Variants in WNT2 observed in about 807,000 individuals in gnomAD.
The protein encoded by WNT2 is protein Wnt-2.
A neutral mutation model predicts 36.9 loss-of-function variants in WNT2; 12 were observed. That is an observed-to-expected ratio of 0.33 (90% CI 0.21 to 0.53). WNT2 has a LOEUF of 0.53. Among genes scored for constraint, WNT2 ranks in the 20% least tolerant of loss-of-function variants. WNT2 has a pLI of 0.95. For synonymous variants in WNT2, 163 were observed against 174.6 expected, an observed-to-expected ratio of 0.93 and a Z score of 0.52; for missense variants, 379 against 473.1, an observed-to-expected ratio of 0.80 and a Z score of 1.84.
chr7:117,320,987 G>C (rs1436454726), intron 1 of WNT2, among the ~76,000 whole-genome samples, 194 bp from the exon 2 acceptor site: 1 of 152,236 alleles, frequency 6.6e-6, no homozygotes, highest in Non-Finnish European at 1.5e-5. Flanking sequence ...CGTAGTGAGT[G>C]ATCTTGCAGA....
rs369937776 is a variant in WNT2 at position 117,317,860 on chromosome 7, G to T, written c.311-2512C>A. Among the ~76,000 whole-genome samples the T allele has an allele frequency of 3.5e-4, 54 of 152,240 alleles. No individual in the cohort carries two copies. The East Asian group carries it at 9.8e-3, about 28-fold the overall frequency. On this transcript the variant is annotated intron_variant, in intron 2 of 4. Coordinates refer to ENST00000265441, the MANE Select transcript of WNT2 (RefSeq NM_003391.3). ...TAGGGTTTCTTGAAGGTTATGGATT[G>T]TTCAATTCTCTTTAAAGTATTTGCT...
At chr7:117,293,690 G>A (rs1234485198) in intron 4 of WNT2, among the ~76,000 whole-genome samples, 1 of 152,098 alleles carries the variant, frequency 6.6e-6, no homozygotes, top group Non-Finnish European at 1.5e-5. Context: ...ACACGTGAGA[G>A]TTCCGTTCAC....
At chr7:117,289,708 A>G (rs1239395558) in intron 4 of WNT2, among the ~76,000 whole-genome samples, 2 of 152,234 alleles carry the variant, frequency 1.3e-5, no homozygotes, top group Non-Finnish European at 2.9e-5. Flanking sequence ...CAAGGCAGAT[A>G]CAGTTCCTGC....
In WNT2 at chr7:117,322,521, T is replaced by C. The variant is rs910586560; in HGVS notation, c.83+386A>G. On this transcript the variant is annotated intron_variant, in intron 1 of 4. Coordinates refer to ENST00000265441, the MANE Select transcript of WNT2 (RefSeq NM_003391.3). The surrounding 1 kb of genome is among the most constrained non-coding windows in gnomAD (Gnocchi z 5.4). ...GCTGGGATGGGGGAGGCGGTTGTAGTTTTCAAGGTGAATTTACACACACAC... is the reference window on the plus strand; with the variant it reads ...GCTGGGATGGGGGAGGCGGTTGTAGCTTTCAAGGTGAATTTACACACACAC... Among the ~76,000 whole-genome samples, 6 of 132,252 alleles carry C rather than the reference T, an allele frequency of 4.5e-5. No individual in the cohort carries two copies. The East Asian group carries it at 1.3e-3, about 28-fold the overall frequency. 86.8% of individuals were successfully genotyped at this position (132,252 alleles called of 152,430 possible).
At position 117,277,949 on chromosome 7, in the gene WNT2, G is replaced by C. The variant is rs958822571; in HGVS notation, c.*206C>G. ...GAGGGGAGATGACTGCAGAACACCA[G>C]GAGATGGATAGAATAGGGTAGGCTT... On this transcript the variant is annotated 3_prime_UTR_variant, in exon 5 of 5. Transcript: ENST00000265441. 3.4e-6 allele frequency: 2 copies of C among 594,938 alleles called. No individual in the cohort carries two copies. The highest frequency in any genetic ancestry group is 1.9e-5 in the African/African-American group (1 of 53,758). 36.9% of individuals were successfully genotyped at this position (594,938 alleles called of 1,614,324 possible).
In WNT2 at chr7:117,315,265, C is replaced by T. The variant is rs769771769; in HGVS notation, c.394G>A (p.Val132Ile). The change falls in exon 3 of 5, where the codon GTA becomes ATA. Residue 132 changes from valine to isoleucine, a missense_variant. By Grantham distance (29) the Val-to-Ile change is conservative. Coordinates refer to ENST00000265441, the MANE Select transcript of WNT2 (RefSeq NM_003391.3). ...AITRACSQGE[V>I]KSCSCDPKKM... ...TTTGGATCACAGGAACAGGATTTTA[C>T]TTCTCCTTGGCTACAGGCCCTGGTG... 1 of 1,614,208 alleles carries T rather than the reference C, an allele frequency of 6.2e-7. No individual in the cohort carries two copies. The highest frequency in any genetic ancestry group is 8.5e-7 in the Non-Finnish European group (1 of 1,180,032).
chr7:117,322,978 A>T lies in WNT2; in HGVS notation c.12T>A (p.Pro4=), dbSNP rs776474017. The change falls in exon 1 of 5, where the codon CCT becomes CCA. Residue 4 remains proline (P), a synonymous_variant. Coordinates refer to ENST00000265441, the MANE Select transcript of WNT2 (RefSeq NM_003391.3). This position sits in a 1 kb window ranked among gnomAD's most constrained non-coding sequence, Gnocchi z 5.4. MNA[P]LGGIWLWLPL... ...GGAGCCAGAGCCAGATTCCACCGAG[A>T]GGGGCGTTCATATTAACCCCCTTGC... 20 of 1,612,288 alleles carry T rather than the reference A, an allele frequency of 1.2e-5. No homozygotes were observed. The Admixed American group carries it at 3.0e-4, about 24-fold the overall frequency.
chr7:117,303,092 C>A (rs1393261482), intron 3 of WNT2, among the ~76,000 whole-genome samples: 2 of 152,092 alleles, frequency 1.3e-5, no homozygotes, highest in Non-Finnish European at 2.9e-5. Context: ...AAATTAGAAC[C>A]TAGGGTGGAC....
intron 4 of WNT2, among the ~76,000 whole-genome samples, chr7:117,296,834 G>A (rs187785745): frequency 6.8e-4 from 103 of 152,282 alleles, no homozygotes; most frequent in Non-Finnish European, 7.5e-4. Context: ...CTCTGACACA[G>A]CCTTTATTAT....
At chr7:117,319,398 G>A (rs2116393183) in intron 2 of WNT2, among the ~76,000 whole-genome samples, 1 of 152,168 alleles carries the variant, frequency 6.6e-6, no homozygotes, top group East Asian at 1.9e-4. Context: ...GCCCTTGGGG[G>A]ATTTTAGAGA....
At chr7:117,288,090 C>T (rs1794618740) in intron 4 of WNT2, among the ~76,000 whole-genome samples, 1 of 152,156 alleles carries the variant, frequency 6.6e-6, no homozygotes, top group Admixed American at 6.5e-5. Flanking sequence ...ATGGTGGCAG[C>T]AGACCAGCTA....
rs890289236 is a variant in WNT2 at position 117,298,595 on chromosome 7, C to T, written c.589-719G>A. On this transcript the variant is annotated intron_variant, in intron 3 of 4. Transcript: ENST00000265441. Reference sequence around the variant, plus strand: ...AAAGGAAACTGGGACAAGCTCATCTCGGCTGGCTCCCAATATAGAGACCCC... The same window carrying T: ...AAAGGAAACTGGGACAAGCTCATCTTGGCTGGCTCCCAATATAGAGACCCC... Among the ~76,000 whole-genome samples the T allele has an allele frequency of 5.3e-5, 8 of 152,228 alleles. 1 individual carries two copies. In the East Asian group the frequency reaches 5.8e-4, roughly 11 times the overall value.
intron 3 of WNT2, among the ~76,000 whole-genome samples, chr7:117,305,711 G>C (rs765344688): frequency 6.6e-6 from 1 of 152,158 alleles, no homozygotes; most frequent in African/African-American, 2.4e-5. Context: ...GCCCAGGCTA[G>C]AGTGCAGTGA....
chr7:117,296,354 C>A (rs942889292), intron 4 of WNT2, among the ~76,000 whole-genome samples: 40 of 152,166 alleles, frequency 2.6e-4, no homozygotes, highest in Non-Finnish European at 4.1e-4. Context: ...ACCATGAAGG[C>A]AATTCAACCA....
rs1250961937 is a variant in WNT2 at position 117,315,183 on chromosome 7, T to C, written c.476A>G (p.Asp159Gly). The C allele has an allele frequency of 1.9e-6, 3 of 1,614,198 alleles. No homozygotes were observed. The highest frequency in any genetic ancestry group is 1.7e-6 in the Non-Finnish European group (2 of 1,180,024). The change falls in exon 3 of 5, where the codon GAT (aspartate) becomes GGT (glycine). Residue 159 changes from aspartate to glycine, a missense_variant. Physicochemically the swap from Asp to Gly is moderately conservative, Grantham distance 94. Coordinates refer to ENST00000265441, the MANE Select transcript of WNT2 (RefSeq NM_003391.3). ...AAATTTGATCCCATAGTCAATGTTA[T>C]CACTGCAGCCACCCCAATCAAAAAT... Reference protein sequence around the residue: ...KGIFDWGGCSDNIDYGIKFAR... With the variant: ...KGIFDWGGCSGNIDYGIKFAR...
intron 3 of WNT2, chr7:117,301,004 C>G (rs1157933372): frequency 6.6e-6 from 1 of 152,032 alleles, no homozygotes; most frequent in Non-Finnish European, 1.5e-5. Flanking sequence ...TTGGACCTGC[C>G]CTACCGCCAG....
chr7:117,307,910 TTTAG>T (rs1457741119), intron 3 of WNT2, among the ~76,000 whole-genome samples: 1 of 152,258 alleles, frequency 6.6e-6, no homozygotes, highest in Non-Finnish European at 1.5e-5. Context: ...CACTAAATTA[TTTAG>T]TTAAACTTGA....
chr7:117,304,683 G>T (rs1178179512), intron 3 of WNT2, among the ~76,000 whole-genome samples: 2 of 152,058 alleles, frequency 1.3e-5, no homozygotes, highest in African/African-American at 4.8e-5. Flanking sequence ...TGATCCACCC[G>T]CCTTGGCCTC....
chr7:117,287,494 C>T (rs1208311125), intron 4 of WNT2, among the ~76,000 whole-genome samples: 1 of 145,644 alleles, frequency 6.9e-6, no homozygotes, highest in Non-Finnish European at 1.5e-5. Flanking sequence ...AGCTAACCTC[C>T]TTCATTAGGC....
Sources: gnomAD v4.1 joint callset for allele counts (sites outside exome capture counted in the v4.1 genomes callset) on GRCh38, gnomAD v4.1.1 for gene constraint, Gnocchi (gnomAD v3.1) non-coding constraint, MANE v1.5 for transcripts, NCBI Gene and HGNC (gene_info 2026-07-23, HGNC 2026-07-21) for gene names.